TASP1: variants seen among roughly 807,000 people sequenced by gnomAD.
TASP1 encodes threonine aspartase 1.
A neutral mutation model predicts 56.6 loss-of-function variants in TASP1; 16 were observed. That is an observed-to-expected ratio of 0.28 (90% CI 0.19 to 0.43). The LOEUF is 0.43. Among genes scored for constraint, TASP1 ranks in the 20% least tolerant of loss-of-function variants. TASP1 has a pLI of 1.00. For missense variants in TASP1, 393 were observed against 511.6 expected (o/e 0.77, Z 2.24); for synonymous variants, 179 against 184.2 (o/e 0.97, Z 0.23).
At chr20:13,229,373 C>T in the TASP1 span, among the ~76,000 whole-genome samples, 5 of 152,106 alleles carry the variant, frequency 3.3e-5, no homozygotes, top group African/African-American at 1.2e-4. Flanking sequence ...CTTCCATTAC[C>T]GTAGATTAGT....
the TASP1 span, among the ~76,000 whole-genome samples, chr20:13,181,169 C>T: frequency 6.6e-6 from 1 of 152,218 alleles, no homozygotes; most frequent in Non-Finnish European, 1.5e-5. Context: ...CTCCCATGAG[C>T]CATTGGAACT....
In TASP1 at chr20:13,593,740, T is replaced by TA. The variant is rs1422706429; in HGVS notation, c.283-6371dup. 7.2e-5 allele frequency among the ~76,000 whole-genome samples: 11 copies of TA among 152,350 alleles called. No individual in the cohort carries two copies. The East Asian group carries it at 2.1e-3, about 29-fold the overall frequency. ...GAGCCCACCGCAGCTCAGCAAGGCC[T>TA]ACTGCCTCTACAAACTCCACCTCTG... On this transcript the variant is annotated intron_variant, in intron 4 of 13. Transcript: ENST00000337743.
At chr20:13,579,472 C>A (rs535566394) in intron 6 of TASP1, among the ~76,000 whole-genome samples, 3 of 152,126 alleles carry the variant, frequency 2.0e-5, no homozygotes, top group Admixed American at 6.5e-5. Context: ...GGGTTCACAC[C>A]ATTCTCCTGC....
intron 12 of TASP1, among the ~76,000 whole-genome samples, chr20:13,433,389 TC>T (rs2042880056): frequency 6.6e-6 from 1 of 152,142 alleles, no homozygotes. Flanking sequence ...TTCAAAGGAT[TC>T]AACAACGATT....
chr20:13,338,156 C>T, the TASP1 span, among the ~76,000 whole-genome samples: 49 of 152,250 alleles, frequency 3.2e-4, no homozygotes, highest in East Asian at 8.9e-3. Flanking sequence ...ATACATGAAA[C>T]AAGGGTGGAT....
chr20:13,449,552 AATAAATCTATTTT>A (rs1226799961), intron 11 of TASP1, among the ~76,000 whole-genome samples: 1 of 152,122 alleles, frequency 6.6e-6, no homozygotes, highest in Non-Finnish European at 1.5e-5. Context: ...TAAGTAAATA[AATAAATCTATTTT>A]ATTGTGACAA....
At chr20:13,593,450 C>T (rs188781071) in intron 4 of TASP1, among the ~76,000 whole-genome samples, 25 of 152,224 alleles carry the variant, frequency 1.6e-4, no homozygotes, top group East Asian at 1.4e-3. Context: ...TTCCCTTTGA[C>T]AGTCTGCCAT....
chr20:13,258,432 G>A, the TASP1 span, among the ~76,000 whole-genome samples: 1 of 152,110 alleles, frequency 6.6e-6, no homozygotes, highest in African/African-American at 2.4e-5. Flanking sequence ...TGGGCACTTT[G>A]TCCAGATATG....
At chr20:13,589,845 C>T (rs1298495195) in intron 4 of TASP1, among the ~76,000 whole-genome samples, 1 of 152,192 alleles carries the variant, frequency 6.6e-6, no homozygotes, top group Non-Finnish European at 1.5e-5. Context: ...ACAGCAAGCA[C>T]ATGAAAAGAT....
chr20:13,559,253 T>C (rs766023608), intron 7 of TASP1, 139 bp from the exon 8 acceptor site: 10 of 486,518 alleles, frequency 2.1e-5, no homozygotes, highest in Non-Finnish European at 3.5e-5. Context: ...GTCTTTTCAA[T>C]GTATACAGGG....
chr20:13,360,601 A>G, the TASP1 span, among the ~76,000 whole-genome samples: 158 of 151,826 alleles, frequency 1.0e-3, no homozygotes, highest in African/African-American at 3.4e-3. Flanking sequence ...TGCGTGCAGC[A>G]GCTGCCGCTG....
chr20:13,261,116 T>G, the TASP1 span, among the ~76,000 whole-genome samples: 1 of 152,082 alleles, frequency 6.6e-6, no homozygotes. Flanking sequence ...TTGGCCGCAG[T>G]AAGAAGCTCA....
At chr20:13,406,107 C>T (rs1240969336) in intron 13 of TASP1, among the ~76,000 whole-genome samples, 2 of 152,188 alleles carry the variant, frequency 1.3e-5, no homozygotes, top group Non-Finnish European at 2.9e-5. Flanking sequence ...AAGTCTGGTA[C>T]TGTAAGTCCT....
chr20:13,124,661 G>A, the TASP1 span, among the ~76,000 whole-genome samples: 1 of 152,160 alleles, frequency 6.6e-6, no homozygotes, highest in Admixed American at 6.6e-5. Context: ...ACCAGGCAGA[G>A]TCATCACATC....
chr20:13,476,178 T>C (rs1237336444), intron 11 of TASP1, among the ~76,000 whole-genome samples: 1 of 152,176 alleles, frequency 6.6e-6, no homozygotes, highest in Non-Finnish European at 1.5e-5. Flanking sequence ...TGGTTAAAGT[T>C]TCTGTTGACC....
At chr20:13,265,953 T>C in the TASP1 span, among the ~76,000 whole-genome samples, 1 of 152,126 alleles carries the variant, frequency 6.6e-6, no homozygotes, top group African/African-American at 2.4e-5. Context: ...ACAGCCTCCA[T>C]CCTCAGGCCT....
At chr20:13,357,729 C>A in the TASP1 span, among the ~76,000 whole-genome samples, 21 of 152,042 alleles carry the variant, frequency 1.4e-4, no homozygotes, top group Admixed American at 2.0e-4. Context: ...TCTTAATAGC[C>A]CCAATCTGAA....
At chr20:13,123,117 G>T in the TASP1 span, among the ~76,000 whole-genome samples, 1 of 152,122 alleles carries the variant, frequency 6.6e-6, no homozygotes, top group African/African-American at 2.4e-5. Flanking sequence ...GATTACCAGA[G>T]GTCAGGAGTT....
intron 13 of TASP1, among the ~76,000 whole-genome samples, chr20:13,398,299 G>A (rs2041618304): frequency 6.6e-6 from 1 of 151,774 alleles, no homozygotes; most frequent in African/African-American, 2.4e-5. Flanking sequence ...CCAAAGAACT[G>A]TTAAGGCACG....
Sources: allele counts gnomAD v4.1 joint callset (sites outside exome capture counted in the v4.1 genomes callset), GRCh38; gene constraint gnomAD v4.1.1; transcripts MANE v1.5; gene names NCBI Gene and HGNC (gene_info 2026-07-23, HGNC 2026-07-21).